Variants in OSBPL10 observed in about 807,000 individuals in gnomAD.
OSBPL10 encodes the protein oxysterol binding protein like 10.
OSBPL10 carries 49 observed loss-of-function variants against 81.7 expected under a neutral mutation model. The observed-to-expected ratio is 0.60, with a 90% CI of 0.48 to 0.76. The LOEUF is 0.76. Ranked by LOEUF, OSBPL10 falls within the 30% of genes least tolerant of loss-of-function variation. The probability of loss-of-function intolerance (pLI) is 0.00; values close to 1 mark genes in which losing one functional copy is unlikely to be tolerated. For missense variants in OSBPL10, 923 were observed against 987.8 expected, an observed-to-expected ratio of 0.93 and a Z score of 0.88; for synonymous variants, 419 against 383.6, an observed-to-expected ratio of 1.09 and a Z score of -1.08.
At chr3:31,890,791 G>C (rs571942491) in intron 1 of OSBPL10, among the ~76,000 whole-genome samples, 1 of 151,986 alleles carries the variant, frequency 6.6e-6, no homozygotes, top group Non-Finnish European at 1.5e-5. Flanking sequence ...TGAAAATTTC[G>C]ATACCAATCT....
chr3:32,040,361 T>C (rs773848948), intron 2 of OSBPL10, among the ~76,000 whole-genome samples: 1 of 151,804 alleles, frequency 6.6e-6, no homozygotes, highest in African/African-American at 2.4e-5. Context: ...GAGCTAACAT[T>C]GCACCACTGC....
intron 7 of OSBPL10, among the ~76,000 whole-genome samples, chr3:31,697,462 T>C (rs1381280700): frequency 1.3e-5 from 2 of 151,978 alleles, no homozygotes; most frequent in African/African-American, 4.8e-5. Context: ...CAATTAATAA[T>C]AAAACAATAA....
At chr3:31,783,221 T>C (rs551184531) in intron 4 of OSBPL10, among the ~76,000 whole-genome samples, 10 of 147,954 alleles carry the variant, frequency 6.8e-5, no homozygotes, top group Non-Finnish European at 1.3e-4. Context: ...CTGGATGGAG[T>C]TGGAGACCAT....
At chr3:31,805,511 C>T (rs776346011) in intron 4 of OSBPL10, among the ~76,000 whole-genome samples, 26 of 152,162 alleles carry the variant, frequency 1.7e-4, no homozygotes, top group Admixed American at 1.2e-3. Context: ...TTTGGCTATA[C>T]GTGGTTTTAG....
At chr3:31,698,529 A>G (rs1695796939) in intron 7 of OSBPL10, among the ~76,000 whole-genome samples, 1 of 152,160 alleles carries the variant, frequency 6.6e-6, no homozygotes, top group South Asian at 2.1e-4. Flanking sequence ...AATGGCCACC[A>G]TATCACTCAA....
At chr3:32,034,805 T>C (rs1221708761) in intron 2 of OSBPL10, among the ~76,000 whole-genome samples, 3 of 152,230 alleles carry the variant, frequency 2.0e-5, no homozygotes, top group Non-Finnish European at 4.4e-5. Context: ...ATCCACACTA[T>C]ATCAGACAGT....
At chr3:32,022,025 C>T (rs886957127) in intron 2 of OSBPL10, among the ~76,000 whole-genome samples, 5 of 151,520 alleles carry the variant, frequency 3.3e-5, no homozygotes, top group African/African-American at 9.7e-5. Context: ...AGATATAAGT[C>T]GTTTGTCAGG....
intron 7 of OSBPL10, among the ~76,000 whole-genome samples, chr3:31,684,442 A>G (rs1487189211): frequency 2.0e-5 from 3 of 152,224 alleles, no homozygotes; most frequent in African/African-American, 4.8e-5. Context: ...AGATGTGAAG[A>G]AAACAGCCTG....
chr3:32,065,812 G>T (rs1575095117), intron 1 of OSBPL10, among the ~76,000 whole-genome samples: 2 of 88,684 alleles, frequency 2.3e-5, no homozygotes, highest in East Asian at 5.1e-4. Context: ...AGCCCAGGAG[G>T]CCTAGGTTGC....
chr3:31,696,930 G>C (rs1219020994), intron 7 of OSBPL10, among the ~76,000 whole-genome samples: 1 of 152,176 alleles, frequency 6.6e-6, no homozygotes, highest in Non-Finnish European at 1.5e-5. Flanking sequence ...CTGGATTTGT[G>C]ATAGCCCCAA....
intron 2 of OSBPL10, among the ~76,000 whole-genome samples, chr3:32,034,199 G>T (rs1699498752): frequency 6.6e-6 from 1 of 152,106 alleles, no homozygotes; most frequent in African/African-American, 2.4e-5. Flanking sequence ...GACGTGTAGG[G>T]ATTACGGGGA....
chr3:32,053,247 T>A (rs1319694227), intron 1 of OSBPL10, among the ~76,000 whole-genome samples: 1 of 152,220 alleles, frequency 6.6e-6, no homozygotes, highest in Admixed American at 6.5e-5. Flanking sequence ...AACGTCCTTT[T>A]GGTAAAAGGT....
At chr3:31,734,785 C>T (rs924287999) in intron 5 of OSBPL10, among the ~76,000 whole-genome samples, 2 of 152,162 alleles carry the variant, frequency 1.3e-5, no homozygotes, top group Non-Finnish European at 2.9e-5. Context: ...AGTTGACTGA[C>T]ACTCTGTAGA....
intron 4 of OSBPL10, among the ~76,000 whole-genome samples, chr3:31,798,854 C>G (rs1250671491): frequency 6.6e-6 from 1 of 152,202 alleles, no homozygotes; most frequent in Non-Finnish European, 1.5e-5. Flanking sequence ...AATCCCCAAT[C>G]TTTTTGGCAC....
At chr3:31,692,300 G>T (rs2125569333) in intron 7 of OSBPL10, among the ~76,000 whole-genome samples, 1 of 152,190 alleles carries the variant, frequency 6.6e-6, no homozygotes, top group South Asian at 2.1e-4. Flanking sequence ...CAACCTTCTA[G>T]GCTGATTGTG....
At chr3:31,990,415 C>T (rs573670644) in intron 2 of OSBPL10, 22 of 1,607,968 alleles carry the variant, frequency 1.4e-5, no homozygotes, top group South Asian at 5.5e-5. Flanking sequence ...AGTTCATTGG[C>T]GAACTCATAC....
At chr3:31,898,219 G>T (rs1468445792) in intron 1 of OSBPL10, among the ~76,000 whole-genome samples, 1 of 151,934 alleles carries the variant, frequency 6.6e-6, no homozygotes, top group Non-Finnish European at 1.5e-5. Context: ...GCATAGCAGG[G>T]TGACTATAGT....
chr3:31,951,637 A>C (rs1360501284), intron 1 of OSBPL10, among the ~76,000 whole-genome samples: 2 of 151,354 alleles, frequency 1.3e-5, no homozygotes, highest in African/African-American at 4.8e-5. Context: ...CAAATATTAG[A>C]AAAAAGCTAT....
At chr3:32,040,476 T>G (rs1487379446) in intron 2 of OSBPL10, among the ~76,000 whole-genome samples, 1 of 152,072 alleles carries the variant, frequency 6.6e-6, no homozygotes, top group Non-Finnish European at 1.5e-5. Flanking sequence ...CTCAGGAGGC[T>G]GAGACAGGAG....
Sources: gnomAD v4.1 joint callset for allele counts (sites outside exome capture counted in the v4.1 genomes callset) on GRCh38, gnomAD v4.1.1 for gene constraint, MANE v1.5 for transcripts, NCBI Gene and HGNC (gene_info 2026-07-23, HGNC 2026-07-21) for gene names.